The following RBFOX1 variants were observed in gnomAD, a reference collection of about 807,000 sequenced individuals.
RBFOX1 encodes the protein RNA binding protein fox-1 homolog 1.
In RBFOX1, 8 loss-of-function variants were observed where a neutral mutation model predicts 57.7. The observed-to-expected ratio is 0.14, with a 90% confidence interval of 0.08 to 0.25. RBFOX1 has a LOEUF of 0.25. RBFOX1 is among the 10% of genes least tolerant of loss of function. The pLI, the probability that RBFOX1 is intolerant of heterozygous loss-of-function variation, is 1.00. For synonymous variants in RBFOX1, 326 were observed against 222.4 expected (o/e 1.47, Z -4.15); for missense variants, 611 against 548.5 (o/e 1.11, Z -1.14).
At chr16:5,499,222 C>G (rs189504594) in intron 2 of RBFOX1, among the ~76,000 whole-genome samples, 1 of 152,162 alleles carries the variant, frequency 6.6e-6, no homozygotes, top group African/African-American at 2.4e-5. Context: ...CCAAGCTGTA[C>G]GTGGAAAAGA....
intron 3 of RBFOX1, among the ~76,000 whole-genome samples, chr16:6,807,947 A>G (rs1371371870): frequency 1.3e-5 from 2 of 149,300 alleles, no homozygotes; most frequent in East Asian, 3.9e-4. Context: ...TGCATATGTA[A>G]TATATGCATT....
At chr16:5,833,928 G>A (rs117595637) in intron 3 of RBFOX1, among the ~76,000 whole-genome samples, 1 of 152,308 alleles carries the variant, frequency 6.6e-6, no homozygotes, top group East Asian at 1.9e-4. Context: ...GGAAGAGGAT[G>A]ACACTTTTGT....
chr16:6,969,942 T>A (rs1241630032), intron 3 of RBFOX1, among the ~76,000 whole-genome samples: 1 of 151,988 alleles, frequency 6.6e-6, no homozygotes, highest in Admixed American at 6.6e-5. Flanking sequence ...CATACAGAAA[T>A]GTCACACAAT....
chr16:6,816,734 T>A (rs1424925061), intron 3 of RBFOX1, among the ~76,000 whole-genome samples: 1 of 138,932 alleles, frequency 7.2e-6, no homozygotes. Context: ...AGCAAGACTG[T>A]CTCAAAAAAA....
At chr16:5,627,579 T>C (rs921127495) in intron 3 of RBFOX1, among the ~76,000 whole-genome samples, 1 of 152,122 alleles carries the variant, frequency 6.6e-6, no homozygotes, top group Non-Finnish European at 1.5e-5. Context: ...AACTTTATAA[T>C]AAATAAGCAA....
intron 2 of RBFOX1, among the ~76,000 whole-genome samples, chr16:5,507,090 G>T (rs2043404930): frequency 1.3e-5 from 2 of 152,046 alleles, no homozygotes; most frequent in African/African-American, 4.8e-5. Flanking sequence ...CAGGCTCTCT[G>T]TGCCTCAATT....
intron 5 of RBFOX1, among the ~76,000 whole-genome samples, chr16:7,537,506 A>G (rs1275009370): frequency 6.6e-6 from 1 of 152,178 alleles, no homozygotes; most frequent in African/African-American, 2.4e-5. Context: ...CTCTAGACCT[A>G]CACTTATAAC....
chr16:6,232,960 A>C (rs182869194), intron 1 of RBFOX1, among the ~76,000 whole-genome samples: 1 of 152,180 alleles, frequency 6.6e-6, no homozygotes, highest in Non-Finnish European at 1.5e-5. Flanking sequence ...AGAACTCTCA[A>C]TATGGGCAGG....
At chr16:6,116,828 G>A (rs969523405) in intron 1 of RBFOX1, among the ~76,000 whole-genome samples, 4 of 152,044 alleles carry the variant, frequency 2.6e-5, no homozygotes, top group African/African-American at 7.2e-5. Context: ...GAGATGAGAT[G>A]AAATTGGGAG....
chr16:7,525,170 T>C lies in RBFOX1; in HGVS notation c.270+6781T>C, dbSNP rs2078415810. Reference sequence around the variant, plus strand: ...CTGTCTCTAATTCAATCTTTATATCTTATAAGTACTCACTATTTCCATTCT... The same window carrying C: ...CTGTCTCTAATTCAATCTTTATATCCTATAAGTACTCACTATTTCCATTCT... On this transcript the variant is annotated intron_variant, in intron 5 of 15. Transcript: ENST00000550418. 2.0e-5 allele frequency among the ~76,000 whole-genome samples: 3 copies of C among 152,190 alleles called. No homozygotes were observed. In the South Asian group the frequency reaches 6.2e-4, roughly 32 times the overall value.
At chr16:7,371,020 T>A (rs951055866) in intron 4 of RBFOX1, among the ~76,000 whole-genome samples, 12 of 152,166 alleles carry the variant, frequency 7.9e-5, no homozygotes, top group African/African-American at 2.9e-4. Context: ...GGGATGGATG[T>A]GTCTGTATTT....
intron 1 of RBFOX1, among the ~76,000 whole-genome samples, chr16:6,260,745 G>C (rs1393667314): frequency 6.6e-6 from 1 of 152,046 alleles, no homozygotes; most frequent in Non-Finnish European, 1.5e-5. Flanking sequence ...GCCAGGCGTG[G>C]TTGTGCACAC....
chr16:6,930,091 G>C (rs1163227219), intron 3 of RBFOX1, among the ~76,000 whole-genome samples: 1 of 152,110 alleles, frequency 6.6e-6, no homozygotes, highest in African/African-American at 2.4e-5. Context: ...TGGTTTACTC[G>C]GCCTGCTCTT....
chr16:6,521,335 C>A (rs754064990), intron 2 of RBFOX1, among the ~76,000 whole-genome samples: 17 of 152,182 alleles, frequency 1.1e-4, no homozygotes, highest in East Asian at 3.9e-4. Context: ...GTCTAACATT[C>A]CACTACTAAT....
intron 4 of RBFOX1, among the ~76,000 whole-genome samples, chr16:7,410,328 G>A (rs1055620545): frequency 2.0e-5 from 3 of 152,200 alleles, no homozygotes; most frequent in Admixed American, 6.5e-5. Context: ...GCTGAGCTGT[G>A]GGAATAATTT....
chr16:6,946,243 C>A (rs76891982), intron 3 of RBFOX1, among the ~76,000 whole-genome samples: 1 of 152,170 alleles, frequency 6.6e-6, no homozygotes, highest in African/African-American at 2.4e-5. Context: ...GATAACTGCT[C>A]CACTACATCC....
intron 4 of RBFOX1, among the ~76,000 whole-genome samples, chr16:7,349,007 G>A (rs985275200): frequency 2.6e-5 from 4 of 152,138 alleles, no homozygotes; most frequent in African/African-American, 7.2e-5. Flanking sequence ...TGAGTAGGAG[G>A]CTTCTGCTTT....
chr16:5,299,803 C>G (rs2063759487), intron 1 of RBFOX1, among the ~76,000 whole-genome samples: 1 of 152,048 alleles, frequency 6.6e-6, no homozygotes, highest in African/African-American at 2.4e-5. Flanking sequence ...CCCTATTGAA[C>G]TAACTAGGAA....
At chr16:5,361,414 C>G (rs1286384666) in intron 1 of RBFOX1, among the ~76,000 whole-genome samples, 1 of 152,110 alleles carries the variant, frequency 6.6e-6, no homozygotes, top group Non-Finnish European at 1.5e-5. Flanking sequence ...AAGGATAAAG[C>G]TTTGTTTTTT....
Sources: gnomAD v4.1 joint callset for allele counts (sites outside exome capture counted in the v4.1 genomes callset) on GRCh38, gnomAD v4.1.1 for gene constraint, MANE v1.5 for transcripts, NCBI Gene and HGNC (gene_info 2026-07-23, HGNC 2026-07-21) for gene names.